The following PRDM14 variants were observed in gnomAD, a reference collection of about 807,000 sequenced individuals.
PRDM14 encodes PR domain zinc finger protein 14.
Under a neutral mutation model 48.0 loss-of-function variants are expected in PRDM14, and 16 were observed. That is an observed-to-expected ratio of 0.33 (90% CI 0.23 to 0.51). The LOEUF (loss-of-function observed/expected upper bound fraction) is 0.51. Among genes scored for constraint, PRDM14 ranks in the 20% least tolerant of loss-of-function variants. The probability of loss-of-function intolerance (pLI) is 0.97; values close to 1 mark genes in which losing one functional copy is unlikely to be tolerated. For missense variants in PRDM14, 566 were observed against 719.6 expected (o/e 0.79, Z 2.44); for synonymous variants, 264 against 276.6 (o/e 0.95, Z 0.45).
rs80353155 is a variant in PRDM14 at position 70,054,011 on chromosome 8, C to T, written c.1488+1289G>A. Among the ~76,000 whole-genome samples the T allele has an allele frequency of 9.5e-3, 1,442 of 152,274 alleles. 28 individuals are homozygous for T. The highest frequency in any genetic ancestry group is 0.032 in the African/African-American group (1,329 of 41,544). ...AATGTGGCTAATGCAACCTAGGGAA[C>T]GGAATTTTTCAACTTTACTTCGTCT... On this transcript the variant is annotated intron_variant, in intron 7 of 7. Coordinates refer to ENST00000276594, the MANE Select transcript of PRDM14 (RefSeq NM_024504.4).
intron 5 of PRDM14, among the ~76,000 whole-genome samples, chr8:70,064,745 A>G (rs1418942201): frequency 1.3e-5 from 2 of 150,756 alleles, no homozygotes; most frequent in Non-Finnish European, 3.0e-5. Flanking sequence ...CAGGATGGCT[A>G]TGATCTCCTG....
At chr8:70,063,839 G>A (rs555828108) in intron 5 of PRDM14, among the ~76,000 whole-genome samples, 3 of 152,184 alleles carry the variant, frequency 2.0e-5, no homozygotes, top group Admixed American at 6.5e-5. Flanking sequence ...CTTTTATTTC[G>A]AAAGGAGTTG....
chr8:70,069,728 T>G lies in PRDM14; in HGVS notation c.133A>C (p.Thr45Pro). 1 of 1,592,774 alleles carries G rather than the reference T, an allele frequency of 6.3e-7. No homozygotes were observed. Among genetic ancestry groups the G allele is most frequent in the Non-Finnish European group, 8.6e-7 (1 of 1,169,568 alleles). ...AAAGGTTGGAAGTCTTCCTCCACGGTGGCCAGGCTGTTTCTGTAGTGTCCA... is the reference window on the plus strand; with the variant it reads ...AAAGGTTGGAAGTCTTCCTCCACGGGGGCCAGGCTGTTTCTGTAGTGTCCA... ...SYGHYRNSLA[T>P]VEEDFQPFRQ... The change falls in exon 2 of 8, where the codon ACC (threonine) becomes CCC (proline). Residue 45 changes from threonine (T) to proline (P), a missense_variant. Thr to Pro is a conservative substitution (Grantham distance 38, BLOSUM62 -1). Transcript: ENST00000276594.
chr8:70,066,539 C>T (rs748993445), intron 4 of PRDM14, 34 bp from the exon 5 acceptor site: 4 of 1,565,780 alleles, frequency 2.6e-6, no homozygotes, highest in South Asian at 2.4e-5. Context: ...TTGTATTGTA[C>T]TTCTTTTTTG....
rs1207261216 is a variant in PRDM14 at position 70,058,901 on chromosome 8, G to T, written c.1184-59C>A. Reference sequence around the variant, plus strand: ...TTACTTCCCTCCCTAGTTCCTTCAAGAGGATATTTATTTATTTATTTATTT... The same window carrying T: ...TTACTTCCCTCCCTAGTTCCTTCAATAGGATATTTATTTATTTATTTATTT... On this transcript the variant is annotated intron_variant, in intron 5 of 7. Coordinates refer to ENST00000276594, the MANE Select transcript of PRDM14 (RefSeq NM_024504.4). The T allele has an allele frequency of 9.1e-6, 12 of 1,317,414 alleles. No individual in the cohort carries two copies. The African/African-American group carries it at 1.8e-4, about 19-fold the overall frequency. 81.6% of individuals were successfully genotyped at this position (1,317,414 alleles called of 1,614,324 possible).
In PRDM14 at chr8:70,068,490, T is replaced by A. The variant is rs1805708153; in HGVS notation, c.743A>T (p.Gln248Leu). The change falls in exon 3 of 8, where the codon CAA becomes CTA. Residue 248 changes from glutamine (Q) to leucine (L), a missense_variant. Around this residue, in one of 3 missense-constraint regions of PRDM14, gnomAD observed 410 missense variants for 424.6 expected, o/e 0.97. Transcript: ENST00000276594. ...GGAGTCCTGCCTACCTTCTGGAAGT[T>A]GAAGGGAGTCTTTATCCAGAGTTTG... is the stretch of plus-strand genomic sequence containing the variant. ...LPQTLDKDSL[Q>L]LPEGLCLMQT... 6.2e-7 allele frequency: 1 copy of A among 1,614,158 alleles called. No homozygotes were observed. The highest frequency in any genetic ancestry group is 8.5e-7 in the Non-Finnish European group (1 of 1,180,002).
At position 70,068,655 on chromosome 8, in the gene PRDM14, T is replaced by G. The variant is rs1585654919; in HGVS notation, c.701-123A>C. 19 of 810,810 alleles carry G rather than the reference T, an allele frequency of 2.3e-5. No individual in the cohort carries two copies. In the East Asian group the frequency reaches 4.8e-4, roughly 20 times the overall value. 50.2% of individuals were successfully genotyped at this position (810,810 alleles called of 1,614,324 possible). A position where few individuals can be genotyped will look rare whatever the true frequency, so the allele number is the denominator to read the frequency against. On this transcript the variant is annotated intron_variant, in intron 2 of 7. Transcript: ENST00000276594. ...ATCCCAGTTTGATATTTATTTGTTGTTTCTATTTTTCCCTGCTCATTTTAC... is the reference window on the plus strand; with the variant it reads ...ATCCCAGTTTGATATTTATTTGTTGGTTCTATTTTTCCCTGCTCATTTTAC...
At chr8:70,066,637 T>C in intron 4 of PRDM14, 132 bp from the exon 5 acceptor site, 1 of 717,218 alleles carries the variant, frequency 1.4e-6, no homozygotes, top group Non-Finnish European at 2.3e-6. Context: ...TTCTGATTTT[T>C]ATGTCATTAC....
chr8:70,057,827 A>G (rs929969954), intron 6 of PRDM14, among the ~76,000 whole-genome samples: 1 of 152,202 alleles, frequency 6.6e-6, no homozygotes, highest in Non-Finnish European at 1.5e-5. Flanking sequence ...ATTTTATAGG[A>G]GTATATAATA....
intron 7 of PRDM14, among the ~76,000 whole-genome samples, chr8:70,054,071 G>A (rs529198620): frequency 6.6e-6 from 1 of 152,170 alleles, no homozygotes; most frequent in Admixed American, 6.6e-5. Flanking sequence ...GATTAACCGC[G>A]AACTGCACAT....
At position 70,051,759 on chromosome 8, in the gene PRDM14, G is replaced by A. The variant is rs1805387922; in HGVS notation, c.*318C>T. The stretch of plus-strand genomic sequence containing the variant: ...TTACATTGTCTCCACACTCTTGAGG[G>A]CTACTCATTTTTTTTGTTTTGTTTT... On this transcript the variant is annotated 3_prime_UTR_variant, in exon 8 of 8. Coordinates refer to ENST00000276594, the MANE Select transcript of PRDM14 (RefSeq NM_024504.4). 3 of 139,118 alleles carry A rather than the reference G, an allele frequency of 2.2e-5. No individual in the cohort carries two copies. Among genetic ancestry groups the A allele is most frequent in the African/African-American group, 4.0e-5 (1 of 24,710 alleles). 8.6% of individuals were successfully genotyped at this position (139,118 alleles called of 1,614,324 possible). A position where few individuals can be genotyped will look rare whatever the true frequency, so the allele number is the denominator to read the frequency against.
In PRDM14 at chr8:70,069,845, G is replaced by A. The variant is rs763247782; in HGVS notation, c.16C>T (p.Pro6Ser). The change falls in exon 2 of 8, where the codon CCA becomes TCA. Residue 6 changes from proline to serine, a missense_variant. Physicochemically the swap from Pro to Ser is moderately conservative, Grantham distance 74 (BLOSUM62 -1). This residue lies in a region of PRDM14 where 410 missense variants were observed against 424.6 expected (regional missense o/e 0.97). Transcript: ENST00000276594. MALPR[P>S]SEAVPQDKVC... ...TTGTCCTGAGGCACGGCCTCACTTG[G>A]CCGGGGTAGAGCCATCCCGGGACCG... 5 of 1,603,098 alleles carry A rather than the reference G, an allele frequency of 3.1e-6. No homozygotes were observed. The highest frequency in any genetic ancestry group is 4.3e-6 in the Non-Finnish European group (5 of 1,175,370).
intron 7 of PRDM14, among the ~76,000 whole-genome samples, chr8:70,054,793 A>T (rs1173984472): frequency 6.6e-6 from 1 of 151,190 alleles, no homozygotes; most frequent in Non-Finnish European, 1.5e-5. Context: ...TGCTGGGATT[A>T]CGGGCTTGAG....
intron 5 of PRDM14, among the ~76,000 whole-genome samples, chr8:70,061,543 C>T (rs1308864195): frequency 6.6e-6 from 1 of 152,174 alleles, no homozygotes; most frequent in African/African-American, 2.4e-5. Context: ...GGTGCTAATA[C>T]TCTCAGAATC....
chr8:70,061,785 T>C (rs1462268530), intron 5 of PRDM14, among the ~76,000 whole-genome samples: 1 of 152,106 alleles, frequency 6.6e-6, no homozygotes, highest in Non-Finnish European at 1.5e-5. Context: ...TTCCTAATTT[T>C]ATCTTGTTCC....
chr8:70,069,228 G>A lies in PRDM14; in HGVS notation c.633C>T (p.Pro211=). The A allele has an allele frequency of 6.3e-7, 1 of 1,583,774 alleles. No homozygotes were observed. The highest frequency in any genetic ancestry group is 1.2e-5 in the South Asian group (1 of 84,720). The change falls in exon 2 of 8, where the codon CCC becomes CCT. Residue 211 remains proline, a synonymous_variant. Coordinates refer to ENST00000276594, the MANE Select transcript of PRDM14 (RefSeq NM_024504.4). The part of the protein sequence containing the change: ...DLHFVLYGVT[P]SLEHPASLHH... Reference sequence around the variant, plus strand: ...GCAGGCTGGCTGGGTGCTCCAGGCTGGGAGTGACCCCGTACAGAACGAAGT... The same window carrying A: ...GCAGGCTGGCTGGGTGCTCCAGGCTAGGAGTGACCCCGTACAGAACGAAGT...
At chr8:70,053,172 G>A (rs1438281611) in intron 7 of PRDM14, among the ~76,000 whole-genome samples, 1 of 147,202 alleles carries the variant, frequency 6.8e-6, no homozygotes, top group Non-Finnish European at 1.5e-5. Flanking sequence ...TCTGACATGA[G>A]ACCCAGGAGC....
In PRDM14 at chr8:70,068,218, A is replaced by G; in HGVS notation, c.912+12T>C. On this transcript the variant is annotated intron_variant, in intron 4 of 7. Transcript: ENST00000276594. ...CCATTTTCAGCAGCAGACCCACCAG[A>G]AACAGATTTACCTCCCACATCACAG... is the stretch of plus-strand genomic sequence containing the variant. 1 of 1,614,048 alleles carries G rather than the reference A, an allele frequency of 6.2e-7. No homozygotes were observed. The highest frequency in any genetic ancestry group is 1.1e-5 in the South Asian group (1 of 91,070).
chr8:70,054,727 C>T (rs925047205), intron 7 of PRDM14, among the ~76,000 whole-genome samples: 3 of 151,670 alleles, frequency 2.0e-5, no homozygotes, highest in Middle Eastern at 3.4e-3. Flanking sequence ...CCATGCTGGC[C>T]AGGATGGTCT....
Sources: gnomAD v4.1 joint callset for allele counts (sites outside exome capture counted in the v4.1 genomes callset) on GRCh38, gnomAD v4.1.1 for gene constraint, gnomAD v4.1.1 regional missense constraint, MANE v1.5 for transcripts, NCBI Gene and HGNC (gene_info 2026-07-23, HGNC 2026-07-21) for gene names.